The following RAPH1 variants were observed in gnomAD, a reference collection of about 807,000 sequenced individuals.
RAPH1 encodes the protein Ras association (RalGDS/AF-6) and pleckstrin homology domains 1, also known as ras-associated and pleckstrin homology domains-containing protein 1.
A neutral mutation model predicts 88.1 loss-of-function variants in RAPH1; 18 were observed. That is an observed-to-expected ratio of 0.20 (90% CI 0.14 to 0.30). The LOEUF (loss-of-function observed/expected upper bound fraction) is 0.30, where lower values mean the gene tolerates loss of function less well. RAPH1 is among the 10% of genes least tolerant of loss of function. RAPH1 has a pLI of 1.00. For synonymous variants in RAPH1, 587 were observed against 559.0 expected (o/e 1.05, Z -0.71); for missense variants, 1,448 against 1,543.2 (o/e 0.94, Z 1.03).
At chr2:203,504,539 G>A (rs1223388558) in intron 1 of RAPH1, among the ~76,000 whole-genome samples, 1 of 152,146 alleles carries the variant, frequency 6.6e-6, no homozygotes, top group Non-Finnish European at 1.5e-5. Context: ...CTGGGCCTCT[G>A]GGCCCTGTGA....
At position 203,435,533 on chromosome 2, in the gene RAPH1, A is replaced by C. The variant is rs2098497836; in HGVS notation, c.*3904T>G. The stretch of plus-strand genomic sequence containing the variant: ...GTAAAGTGTATATTAAAAAAAAAAA[A>C]GTGAAAGTTACCTGCAATCTAAAGG... On this transcript the variant is annotated 3_prime_UTR_variant, in exon 14 of 14. Transcript: ENST00000319170. 6.6e-6 allele frequency: 1 copy of C among 151,760 alleles called. No individual in the cohort carries two copies. The highest frequency in any genetic ancestry group is 6.6e-5 in the Admixed American group (1 of 15,234). The allele number at this position is 151,760 out of a possible 1,614,324, so 9.4% of individuals were successfully genotyped here. A position where few individuals can be genotyped will look rare whatever the true frequency, so the allele number is the denominator to read the frequency against.
rs35194583 is a variant in RAPH1, at chr2:203,513,351, C to CTTTTT, written c.1-18003_1-17999dup. On this transcript the variant is annotated intron_variant, in intron 1 of 13. Transcript: ENST00000319170. ...CTATTTATCAGTCTTTTCTCTCAAT[C>CTTTTT]TTTTTTTTTTTTTTTTTTTTTGAGA... Among the ~76,000 whole-genome samples, 49 of 86,920 alleles carry CTTTTT rather than the reference C, an allele frequency of 5.6e-4. 1 individual carries two copies. The highest frequency in any genetic ancestry group is 1.9e-3 in the African/African-American group (40 of 20,698). 57.0% of individuals were successfully genotyped at this position (86,920 alleles called of 152,430 possible). A position where few individuals can be genotyped will look rare whatever the true frequency, so the allele number is the denominator to read the frequency against.
chr2:203,441,701 C>G (rs968439226), intron 13 of RAPH1: 2 of 1,306,606 alleles, frequency 1.5e-6, no homozygotes, highest in Non-Finnish European at 1.9e-6. Context: ...TGAATGGTGA[C>G]AGGATGCATG....
intron 1 of RAPH1, among the ~76,000 whole-genome samples, chr2:203,527,761 T>C (rs941096158): frequency 6.9e-5 from 10 of 144,432 alleles, no homozygotes; most frequent in African/African-American, 2.6e-4. Context: ...GATTGAGCCA[T>C]TGCACTCCAG....
intron 4 of RAPH1, among the ~76,000 whole-genome samples, chr2:203,481,548 C>T (rs892451492): frequency 6.8e-6 from 1 of 146,240 alleles, no homozygotes; most frequent in African/African-American, 2.5e-5. Flanking sequence ...TTTATAGCCC[C>T]TATTCATTTT....
At chr2:203,508,045 T>C (rs968045727) in intron 1 of RAPH1, among the ~76,000 whole-genome samples, 13 of 149,822 alleles carry the variant, frequency 8.7e-5, no homozygotes, top group Non-Finnish European at 3.0e-5. Flanking sequence ...ACCCCATCCC[T>C]ACTTAAAAAA....
In RAPH1 at chr2:203,436,400, G is replaced by A. The variant is rs188259535; in HGVS notation, c.*3037C>T. On this transcript the variant is annotated 3_prime_UTR_variant, in exon 14 of 14. Transcript: ENST00000319170. Reference sequence around the variant, plus strand: ...TCCCAAGAGAATTACAGCGTCTAAGGGGGGGAAAGAAAGCATCTGAGCAGT... The same window carrying A: ...TCCCAAGAGAATTACAGCGTCTAAGAGGGGGAAAGAAAGCATCTGAGCAGT... 6.6e-6 allele frequency: 1 copy of A among 152,098 alleles called. No homozygotes were observed. The highest frequency in any genetic ancestry group is 2.1e-4 in the South Asian group (1 of 4,828). 9.4% of individuals were successfully genotyped at this position (152,098 alleles called of 1,614,324 possible).
chr2:203,443,088 A>G (rs1273388704), intron 13 of RAPH1: 4 of 152,188 alleles, frequency 2.6e-5, no homozygotes, highest in Non-Finnish European at 5.9e-5. Context: ...TCAAATGCTC[A>G]TTTCTGAAGG....
chr2:203,530,848 T>G (rs1315041434), intron 1 of RAPH1, among the ~76,000 whole-genome samples: 1 of 149,826 alleles, frequency 6.7e-6, no homozygotes, highest in African/African-American at 2.5e-5. Flanking sequence ...GCTGAGATTG[T>G]GCCATTGCAC....
chr2:203,441,695 T>G, intron 13 of RAPH1: 6 of 1,308,862 alleles, frequency 4.6e-6, no homozygotes, highest in Non-Finnish European at 5.8e-6. Context: ...GCTGTTTGAA[T>G]GGTGACAGGA....
rs1198831930 is a variant in RAPH1 at position 203,490,054 on chromosome 2, C to A, written c.262G>T (p.Ala88Ser). The stretch of plus-strand genomic sequence containing the variant: ...ATAGAGCAAAGATCAGCCATCAAGG[C>A]ATCCAGATCCACAGTCTCTCCCTGA... ...LNQGETVDLD[A>S]LMADLCSIEQ... The change falls in exon 4 of 14, where the codon GCC (alanine) becomes TCC (serine). Residue 88 changes from alanine (A) to serine (S), a missense_variant. By Grantham distance (99) the Ala-to-Ser change is moderately conservative (BLOSUM62 1). This residue lies in a region of RAPH1 where 513 missense variants were observed against 653.1 expected (regional missense o/e 0.79). Coordinates refer to ENST00000319170, the MANE Select transcript of RAPH1 (RefSeq NM_213589.3). 4.3e-6 allele frequency: 7 copies of A among 1,613,098 alleles called. No homozygotes were observed. In the African/African-American group the frequency reaches 9.3e-5, roughly 22 times the overall value.
rs565117026 is a variant in RAPH1 at position 203,514,676 on chromosome 2, T to A, written c.1-19323A>T. 1.1e-4 allele frequency among the ~76,000 whole-genome samples: 17 copies of A among 152,160 alleles called. No individual in the cohort carries two copies. In the East Asian group the frequency reaches 3.1e-3, roughly 28 times the overall value. Reference sequence around the variant, plus strand: ...TTCATGCCATTCTCCTGCCTCAGCCTCCCGAGTAGCTGGAATTACAGGCGC... The same window carrying A: ...TTCATGCCATTCTCCTGCCTCAGCCACCCGAGTAGCTGGAATTACAGGCGC... On this transcript the variant is annotated intron_variant, in intron 1 of 13. Transcript: ENST00000319170.
intron 4 of RAPH1, among the ~76,000 whole-genome samples, chr2:203,485,387 G>A (rs890816122): frequency 2.1e-5 from 3 of 142,484 alleles, no homozygotes; most frequent in African/African-American, 7.9e-5. Flanking sequence ...TTACAGCCTG[G>A]ACAACAGAGT....
intron 1 of RAPH1, among the ~76,000 whole-genome samples, chr2:203,497,661 A>G (rs901797150): frequency 5.9e-5 from 9 of 152,176 alleles, no homozygotes; most frequent in African/African-American, 1.9e-4. Context: ...ATAGAAACTG[A>G]TAATTTCCAT....
intron 4 of RAPH1, among the ~76,000 whole-genome samples, chr2:203,480,563 A>C (rs1687679640): frequency 6.6e-6 from 1 of 152,186 alleles, no homozygotes; most frequent in African/African-American, 2.4e-5. Context: ...ATAAATAATA[A>C]AAAATAAAAA....
intron 6 of RAPH1, among the ~76,000 whole-genome samples, chr2:203,460,567 C>T (rs557712806): frequency 1.3e-5 from 2 of 151,716 alleles, no homozygotes; most frequent in East Asian, 1.9e-4. Context: ...CTTTGTTTCC[C>T]GAGTCAAATG....
intron 1 of RAPH1, among the ~76,000 whole-genome samples, chr2:203,517,608 T>A (rs1475206505): frequency 1.3e-5 from 2 of 152,112 alleles, no homozygotes; most frequent in African/African-American, 4.8e-5. Context: ...CAGATCACAT[T>A]CTGGACCATA....
intron 1 of RAPH1, among the ~76,000 whole-genome samples, chr2:203,502,516 A>G (rs1389789786): frequency 1.3e-5 from 2 of 152,236 alleles, no homozygotes; most frequent in African/African-American, 4.8e-5. Context: ...AATCAAATTC[A>G]AAGGCAATTT....
At chr2:203,463,586 G>A (rs1243646016) in intron 4 of RAPH1, among the ~76,000 whole-genome samples, 1 of 152,196 alleles carries the variant, frequency 6.6e-6, no homozygotes, top group African/African-American at 2.4e-5. Flanking sequence ...ATTGAAAGGA[G>A]CCAATGAATT....
Sources: gnomAD v4.1 joint callset for allele counts (sites outside exome capture counted in the v4.1 genomes callset) on GRCh38, gnomAD v4.1.1 for gene constraint, gnomAD v4.1.1 regional missense constraint, MANE v1.5 for transcripts, NCBI Gene and HGNC (gene_info 2026-07-23, HGNC 2026-07-21) for gene names.